Variants in PKP2 observed in about 807,000 individuals in gnomAD.
PKP2 encodes the protein plakophilin-2.
PKP2 carries 73 observed loss-of-function variants against 83.4 expected under a neutral mutation model. That is an observed-to-expected ratio of 0.88 (90% CI 0.72 to 1.06). The LOEUF is 1.06. Ranked by LOEUF, PKP2 falls within the 50% of genes least tolerant of loss-of-function variation. The pLI is 0.00. For missense variants in PKP2, 966 were observed against 1,065.4 expected, an observed-to-expected ratio of 0.91 and a Z score of 1.30; for synonymous variants, 409 against 430.4, an observed-to-expected ratio of 0.95 and a Z score of 0.62.
intron 8 of PKP2, 76 bp from the exon 9 acceptor site, chr12:32,821,605 C>T: frequency 7.1e-7 from 1 of 1,405,640 alleles, no homozygotes; most frequent in Non-Finnish European, 1.0e-6. Flanking sequence ...AACCAGGAGA[C>T]CAGAAATACT....
chr12:32,821,688 T>G, intron 8 of PKP2, 159 bp from the exon 9 acceptor site: 3 of 655,638 alleles, frequency 4.6e-6, no homozygotes, highest in South Asian at 3.8e-5. Context: ...ATATAATTTC[T>G]AATCACTTAA....
rs1956408680 is a variant in PKP2 at position 32,824,061 on chromosome 12, T to C, written c.1658A>G (p.Tyr553Cys). Residue 553 changes from tyrosine to cysteine, a missense_variant, in exon 7 of 13, where the codon TAC becomes TGC. Tyr to Cys is a radical substitution (Grantham distance 194). Transcript: ENST00000340811. The stretch of plus-strand genomic sequence containing the variant: ...TTGAATTACCTTGTCATCTGGCTGG[T>C]AATCTGCAATGGTTCCTCTGACATA... ...VHYVRGTIAD[Y>C]QPDDKATENC... 6.3e-7 allele frequency: 1 copy of C among 1,586,532 alleles called. No individual in the cohort carries two copies. Among genetic ancestry groups the C allele is most frequent in the African/African-American group, 1.3e-5 (1 of 74,532 alleles).
At chr12:32,845,278 G>A (rs532779631) in intron 5 of PKP2, among the ~76,000 whole-genome samples, 349 of 152,306 alleles carry the variant, frequency 2.3e-3, no homozygotes, top group Non-Finnish European at 4.0e-3. Flanking sequence ...TCGGCTGGGC[G>A]CGGTGGCTCA....
At chr12:32,884,202 C>T (rs749747118) in intron 1 of PKP2, among the ~76,000 whole-genome samples, 3 of 152,174 alleles carry the variant, frequency 2.0e-5, no homozygotes, top group Non-Finnish European at 2.9e-5. Context: ...GCCTGTAATC[C>T]TAGCACTTTG....
At chr12:32,880,762 T>C (rs991941540) in intron 1 of PKP2, among the ~76,000 whole-genome samples, 1 of 140,470 alleles carries the variant, frequency 7.1e-6, no homozygotes, top group Non-Finnish European at 1.5e-5. Flanking sequence ...GTCCCTCTTC[T>C]GCCTCCTTTA....
intron 1 of PKP2, among the ~76,000 whole-genome samples, chr12:32,891,303 C>A (rs1565603626): frequency 6.6e-6 from 1 of 152,158 alleles, no homozygotes; most frequent in Non-Finnish European, 1.5e-5. Context: ...TATTAATCAT[C>A]TGATTTATAA....
Position 32,833,515 on chromosome 12 carries a change from T to G in PKP2, c.1556+7513A>C, listed in dbSNP as rs147430914. Among the ~76,000 whole-genome samples, 583 of 152,288 alleles carry G rather than the reference T, an allele frequency of 3.8e-3. 2 individuals carry two copies. Among genetic ancestry groups the G allele is most frequent in the African/African-American group, 0.013 (547 of 41,556 alleles). ...CTCTGTGACTAATTAGAAACAAGAC[T>G]GATAGTTATAGCCTTTCTTTCCAAA... On this transcript the variant is annotated intron_variant, in intron 6 of 12. Coordinates refer to ENST00000340811, the MANE Select transcript of PKP2 (RefSeq NM_001005242.3).
intron 4 of PKP2, among the ~76,000 whole-genome samples, chr12:32,851,692 T>G (rs945032409): frequency 3.3e-5 from 5 of 152,124 alleles, no homozygotes; most frequent in African/African-American, 7.2e-5. Context: ...ATGGTCTCGA[T>G]CTCCTGACCT....
chr12:32,835,679 G>A (rs1384876633), intron 6 of PKP2, among the ~76,000 whole-genome samples: 1 of 152,222 alleles, frequency 6.6e-6, no homozygotes, highest in Non-Finnish European at 1.5e-5. Context: ...AAATATGCCT[G>A]TACCTTAGTT....
intron 10 of PKP2, among the ~76,000 whole-genome samples, chr12:32,799,468 A>C (rs11052246): frequency 0.48 from 72,594 of 152,048 alleles, 20,159 homozygotes; most frequent in Non-Finnish European, 0.64. Context: ...CATTATATGA[A>C]AAAGACACTT....
chr12:32,854,732 A>G (rs1294397910), intron 4 of PKP2, among the ~76,000 whole-genome samples: 1 of 152,230 alleles, frequency 6.6e-6, no homozygotes, highest in East Asian at 1.9e-4. Flanking sequence ...TAAATACATG[A>G]AAGGGCAGAG....
At chr12:32,867,444 T>C (rs73303664) in intron 4 of PKP2, among the ~76,000 whole-genome samples, 30,017 of 152,156 alleles carry the variant, frequency 0.2, 2,984 homozygotes, top group Middle Eastern at 0.24. Context: ...GTAATGGATA[T>C]ATTTGTTATC....
intron 4 of PKP2, among the ~76,000 whole-genome samples, chr12:32,854,478 C>A (rs1215223724): frequency 2.0e-5 from 3 of 152,196 alleles, no homozygotes; most frequent in African/African-American, 7.2e-5. Flanking sequence ...AGTTAATGAC[C>A]TTCTCCTTGC....
chr12:32,815,165 TG>T (rs1259828402), intron 9 of PKP2, among the ~76,000 whole-genome samples: 1 of 152,156 alleles, frequency 6.6e-6, no homozygotes, highest in Admixed American at 6.5e-5. Flanking sequence ...TAAACACCAG[TG>T]GGGGTTTCAA....
At position 32,891,393 on chromosome 12, in the gene PKP2, A is replaced by G. The variant is rs1056493431; in HGVS notation, c.223+5116T>C. The stretch of plus-strand genomic sequence containing the variant: ...CAATAATATGCTTGTTCTCTCAGAG[A>G]AAAAAAATCAAAACTTTTAATAATT... On this transcript the variant is annotated intron_variant, in intron 1 of 12. Transcript: ENST00000340811. 2.0e-5 allele frequency among the ~76,000 whole-genome samples: 3 copies of G among 152,172 alleles called. No individual in the cohort carries two copies. The South Asian group carries it at 6.2e-4, about 32-fold the overall frequency.
chr12:32,867,999 G>T (rs1446901412), intron 4 of PKP2, among the ~76,000 whole-genome samples: 1 of 152,128 alleles, frequency 6.6e-6, no homozygotes, highest in Non-Finnish European at 1.5e-5. Flanking sequence ...GCAATTCATT[G>T]AACAATTGTT....
chr12:32,841,481 A>C (rs776735156), intron 5 of PKP2, among the ~76,000 whole-genome samples: 1 of 152,208 alleles, frequency 6.6e-6, no homozygotes, highest in Non-Finnish European at 1.5e-5. Context: ...AGACATGCTT[A>C]AGCATTTATT....
Position 32,878,346 on chromosome 12 carries a change from C to T in PKP2, c.534G>A (p.Leu178=). The part of the protein sequence containing the change: ...YSQRSQAGHT[L]HHQESRRAAL... ...CGGCCCGCCTGCTTTCTTGGTGGTG[C>T]AGGGTGTGCCCAGCCTGGCTTCTCT... Residue 178 remains leucine, a synonymous_variant, in exon 3 of 13, where the codon CTG becomes CTA. Transcript: ENST00000340811. The T allele has an allele frequency of 6.2e-7, 1 of 1,613,132 alleles. No homozygotes were observed. The highest frequency in any genetic ancestry group is 8.5e-7 in the Non-Finnish European group (1 of 1,179,944).
At chr12:32,799,172 C>G (rs1956157160) in intron 10 of PKP2, among the ~76,000 whole-genome samples, 1 of 151,880 alleles carries the variant, frequency 6.6e-6, no homozygotes, top group Non-Finnish European at 1.5e-5. Flanking sequence ...ACGCCTCATA[C>G]ATATGAAAAA....
Sources: allele counts gnomAD v4.1 joint callset (sites outside exome capture counted in the v4.1 genomes callset), GRCh38; gene constraint gnomAD v4.1.1; transcripts MANE v1.5; gene names NCBI Gene and HGNC (gene_info 2026-07-23, HGNC 2026-07-21).